The following CYFIP2 variants were observed in gnomAD, a reference collection of about 807,000 sequenced individuals.
CYFIP2 encodes the protein cytoplasmic FMR1-interacting protein 2.
In CYFIP2, 29 loss-of-function variants were observed where a neutral mutation model predicts 158.7. The observed-to-expected ratio is 0.18, with a 90% CI of 0.14 to 0.25. The LOEUF is 0.25. CYFIP2 is among the 10% of genes least tolerant of loss of function. The pLI is 1.00. For missense variants in CYFIP2, 852 were observed against 1,639.5 expected (o/e 0.52, Z 8.29); for synonymous variants, 585 against 617.6 (o/e 0.95, Z 0.78).
chr5:157,300,080 T>A (rs1758611956), intron 5 of CYFIP2, among the ~76,000 whole-genome samples: 1 of 152,186 alleles, frequency 6.6e-6, no homozygotes, highest in African/African-American at 2.4e-5. Flanking sequence ...TCTCTGCATG[T>A]CTCTCACTCT....
chr5:157,344,730 T>G (rs948499028), intron 23 of CYFIP2, among the ~76,000 whole-genome samples: 1 of 152,214 alleles, frequency 6.6e-6, no homozygotes, highest in Non-Finnish European at 1.5e-5. Context: ...CTCCCTCACA[T>G]GAAACCCCGT....
At chr5:157,292,634 T>C (rs1297840471) in intron 3 of CYFIP2, among the ~76,000 whole-genome samples, 1 of 152,220 alleles carries the variant, frequency 6.6e-6, no homozygotes, top group East Asian at 1.9e-4. Flanking sequence ...CATCCATCCA[T>C]TGATGGACAT....
intron 20 of CYFIP2, among the ~76,000 whole-genome samples, chr5:157,332,345 T>A (rs1761526297): frequency 2.0e-5 from 3 of 152,240 alleles, no homozygotes; most frequent in African/African-American, 4.8e-5. Flanking sequence ...ATGTATTTTC[T>A]CTCTAGCACT....
intron 11 of CYFIP2, 134 bp from the exon 12 acceptor site, chr5:157,314,210 G>A: frequency 8.5e-7 from 1 of 1,181,864 alleles, no homozygotes; most frequent in Non-Finnish European, 1.1e-6. Context: ...CAAGGCACTT[G>A]TCTGAGCCTC....
chr5:157,356,331 A>C (rs1363085500), intron 23 of CYFIP2, among the ~76,000 whole-genome samples: 1 of 152,184 alleles, frequency 6.6e-6, no homozygotes. Flanking sequence ...CTCCACCCTC[A>C]TGGCCTGATC....
chr5:157,270,433 T>A (rs1437965367), intron 1 of CYFIP2, among the ~76,000 whole-genome samples: 1 of 152,222 alleles, frequency 6.6e-6, no homozygotes, highest in Non-Finnish European at 1.5e-5. Flanking sequence ...GAGAGAATTG[T>A]CTAACTTCAC....
chr5:157,293,143 C>A (rs1757969405), intron 3 of CYFIP2, among the ~76,000 whole-genome samples: 1 of 152,158 alleles, frequency 6.6e-6, no homozygotes, highest in Non-Finnish European at 1.5e-5. Flanking sequence ...GCAGCCTCTG[C>A]CCCCCGAGTT....
At chr5:157,373,897 C>T (rs4704859) in intron 26 of CYFIP2, among the ~76,000 whole-genome samples, 6 of 151,994 alleles carry the variant, frequency 3.9e-5, no homozygotes, top group Non-Finnish European at 7.4e-5. Context: ...GAACATAAAG[C>T]TAGCCAATAA....
At chr5:157,324,212 A>G in intron 16 of CYFIP2, 138 bp downstream of exon 16, 1 of 1,045,310 alleles carries the variant, frequency 9.6e-7, no homozygotes, top group Non-Finnish European at 1.3e-6. Context: ...CAAGGAAAAA[A>G]CACATACACT....
chr5:157,321,081 G>A (rs1353051032), intron 15 of CYFIP2, among the ~76,000 whole-genome samples: 2 of 152,204 alleles, frequency 1.3e-5, no homozygotes, highest in Non-Finnish European at 2.9e-5. Flanking sequence ...ACTGGCTAAT[G>A]GGGATAATAC....
At chr5:157,307,332 G>A (rs966212381) in intron 8 of CYFIP2, among the ~76,000 whole-genome samples, 3 of 152,206 alleles carry the variant, frequency 2.0e-5, no homozygotes, top group Non-Finnish European at 2.9e-5. Flanking sequence ...ATCTAAATGC[G>A]GAAATATTGT....
chr5:157,356,232 C>T (rs1465238368), intron 23 of CYFIP2, among the ~76,000 whole-genome samples: 1 of 152,086 alleles, frequency 6.6e-6, no homozygotes, highest in Non-Finnish European at 1.5e-5. Context: ...GGCCCCTCTC[C>T]TCACTGTAGG....
At chr5:157,293,052 ATG>A in intron 3 of CYFIP2, among the ~76,000 whole-genome samples, 1 of 150,378 alleles carries the variant, frequency 6.6e-6, no homozygotes, top group South Asian at 2.1e-4. Flanking sequence ...GTATGTATGT[ATG>A]TATGTATGTA....
intron 28 of CYFIP2, chr5:157,383,703 T>C (rs1766359364): frequency 5.2e-6 from 1 of 193,054 alleles, no homozygotes; most frequent in Non-Finnish European, 1.1e-5. Flanking sequence ...GCAGTTCACT[T>C]CTGGATACTT....
intron 5 of CYFIP2, among the ~76,000 whole-genome samples, chr5:157,298,557 G>C (rs930177647): frequency 3.3e-5 from 5 of 150,920 alleles, no homozygotes; most frequent in African/African-American, 1.2e-4. Context: ...TGTTGGCCAG[G>C]CTGGTCTCGA....
intron 3 of CYFIP2, among the ~76,000 whole-genome samples, chr5:157,291,472 T>G (rs1330321229): frequency 6.6e-6 from 1 of 152,252 alleles, no homozygotes; most frequent in Admixed American, 6.5e-5. Context: ...CTGCGCTGTT[T>G]GCAGCACAAA....
rs1767656324 is a variant in CYFIP2, at chr5:157,395,324, TA to T, written c.*2325del. 3.4e-6 allele frequency: 1 copy of T among 292,132 alleles called. No individual in the cohort carries two copies. The highest frequency in any genetic ancestry group is 6.5e-6 in the Non-Finnish European group (1 of 153,484). 18.1% of individuals were successfully genotyped at this position (292,132 alleles called of 1,614,324 possible). A position where few individuals can be genotyped will look rare whatever the true frequency, so the allele number is the denominator to read the frequency against. On this transcript the variant is annotated 3_prime_UTR_variant, in exon 31 of 31. Coordinates refer to ENST00000620254, the MANE Select transcript of CYFIP2 (RefSeq NM_001037333.3). ...TAATAACCAGGAAAAAAATAAAGCT[TA>T]GGTTTTAAAAAGTTTTAAAAATAAT...
chr5:157,329,222 A>AGG (rs1389742534), intron 19 of CYFIP2, among the ~76,000 whole-genome samples: 16 of 152,272 alleles, frequency 1.1e-4, no homozygotes, highest in Non-Finnish European at 2.9e-5. Context: ...AAAGCAGAGA[A>AGG]CACAGCCTTT....
chr5:157,329,611 G>T (rs1452051763), intron 19 of CYFIP2, among the ~76,000 whole-genome samples: 1 of 152,180 alleles, frequency 6.6e-6, no homozygotes, highest in Non-Finnish European at 1.5e-5. Context: ...AGAAGCAGAT[G>T]AAATTAATTT....
Sources: gnomAD v4.1 joint callset for allele counts (sites outside exome capture counted in the v4.1 genomes callset) on GRCh38, gnomAD v4.1.1 for gene constraint, MANE v1.5 for transcripts, NCBI Gene and HGNC (gene_info 2026-07-23, HGNC 2026-07-21) for gene names.